The following PPP1R9A variants were observed in gnomAD, a reference collection of about 807,000 sequenced individuals.
PPP1R9A encodes the protein protein phosphatase 1 regulatory subunit 9A.
Under a neutral mutation model 141.9 loss-of-function variants are expected in PPP1R9A, and 59 were observed. The observed-to-expected ratio is 0.42, with a 90% CI of 0.34 to 0.52. The LOEUF is 0.52. PPP1R9A is among the 20% of genes least tolerant of loss of function. PPP1R9A has a pLI of 0.10. For missense variants in PPP1R9A, 1,444 were observed against 1,611.9 expected, an observed-to-expected ratio of 0.90 and a Z score of 1.78; for synonymous variants, 500 against 569.7, an observed-to-expected ratio of 0.88 and a Z score of 1.74.
At chr7:94,988,811 A>G (rs1801156040) in intron 2 of PPP1R9A, among the ~76,000 whole-genome samples, 1 of 151,992 alleles carries the variant, frequency 6.6e-6, no homozygotes, top group African/African-American at 2.4e-5. Flanking sequence ...ATATCCTAAC[A>G]TCCTGGATTG....
chr7:95,057,614 A>T (rs1563176930), intron 2 of PPP1R9A, among the ~76,000 whole-genome samples: 1 of 152,174 alleles, frequency 6.6e-6, no homozygotes, highest in African/African-American at 2.4e-5. Context: ...TAGACAGCTT[A>T]TACAACGTCT....
At chr7:95,239,810 A>G (rs2152984647) in intron 8 of PPP1R9A, among the ~76,000 whole-genome samples, 1 of 152,006 alleles carries the variant, frequency 6.6e-6, no homozygotes, top group East Asian at 1.9e-4. Flanking sequence ...TAATTTAAAA[A>G]TTAAAAATTA....
chr7:95,239,492 G>A (rs991700630), intron 8 of PPP1R9A, among the ~76,000 whole-genome samples: 3 of 152,164 alleles, frequency 2.0e-5, no homozygotes, highest in Admixed American at 6.6e-5. Context: ...CTGGGAGGTA[G>A]AGGCTTCAGT....
chr7:94,976,821 C>T (rs1584473630), intron 2 of PPP1R9A, among the ~76,000 whole-genome samples: 1 of 152,060 alleles, frequency 6.6e-6, no homozygotes, highest in South Asian at 2.1e-4. Context: ...TATTGAGTAT[C>T]TGCTTGGTGT....
In PPP1R9A at chr7:95,154,054, T is replaced by C. The variant is rs535847997; in HGVS notation, c.1650-7813T>C. Among the ~76,000 whole-genome samples, 7 of 152,228 alleles carry C rather than the reference T, an allele frequency of 4.6e-5. No homozygotes were observed. In the East Asian group the frequency reaches 1.4e-3, roughly 29 times the overall value. On this transcript the variant is annotated intron_variant, in intron 4 of 19. Transcript: ENST00000433360. ...ATCCTTTTCTTGGTTGCTTTTTTAGTGTCCATTTTGTTTAATTCTAGTTTT... is the reference window on the plus strand; with the variant it reads ...ATCCTTTTCTTGGTTGCTTTTTTAGCGTCCATTTTGTTTAATTCTAGTTTT...
intron 3 of PPP1R9A, among the ~76,000 whole-genome samples, chr7:95,114,035 T>G (rs576320984): frequency 6.6e-6 from 1 of 152,320 alleles, no homozygotes; most frequent in South Asian, 2.1e-4. Context: ...AAAGCCATTC[T>G]TAGTTCATTG....
At chr7:95,041,899 C>G (rs1356088156) in intron 2 of PPP1R9A, among the ~76,000 whole-genome samples, 1 of 152,054 alleles carries the variant, frequency 6.6e-6, no homozygotes, top group Admixed American at 6.6e-5. Context: ...TATTTGCACA[C>G]TAGGTGGTGC....
At chr7:95,278,057 C>T (rs1039750032) in intron 16 of PPP1R9A, among the ~76,000 whole-genome samples, 1 of 152,144 alleles carries the variant, frequency 6.6e-6, no homozygotes, top group Non-Finnish European at 1.5e-5. Context: ...AATTTGCATT[C>T]AAGTAGAAAG....
In PPP1R9A at chr7:95,180,634, A is replaced by G. The variant is rs532657432; in HGVS notation, c.1755-17715A>G. Among the ~76,000 whole-genome samples the G allele has an allele frequency of 1.9e-3, 291 of 152,346 alleles. 1 individual carries two copies. The highest frequency in any genetic ancestry group is 6.7e-3 in the African/African-American group (279 of 41,588). On this transcript the variant is annotated intron_variant, in intron 5 of 19. Transcript: ENST00000433360. ...AATCTTTGCCATCTACACATCTGAC[A>G]TAGGACTAATATCCAGAATCTACGA...
In PPP1R9A at chr7:95,252,054, T is replaced by TG; in HGVS notation, c.2591dup (p.Glu865Ter). On this transcript the variant is annotated frameshift_variant, in exon 12 of 20. Transcript: ENST00000433360. LOFTEE classifies it high-confidence loss of function. ...ACATCTTTGAGAGAAGAACATCTCT[T>TG]GGTGAAGTCTCTAAAGGGGATACCA... is the stretch of plus-strand genomic sequence containing the variant. 1 of 1,613,566 alleles carries TG rather than the reference T, an allele frequency of 6.2e-7. No homozygotes were observed. Among genetic ancestry groups the TG allele is most frequent in the African/African-American group, 1.3e-5 (1 of 75,020 alleles).
intron 2 of PPP1R9A, among the ~76,000 whole-genome samples, chr7:94,912,594 G>A (rs895821188): frequency 1.3e-5 from 2 of 151,850 alleles, no homozygotes; most frequent in Non-Finnish European, 2.9e-5. Flanking sequence ...TTTTCATTTT[G>A]GGACCTTCCA....
At position 95,291,140 on chromosome 7, in the gene PPP1R9A, G is replaced by A. The variant is rs1359611473; in HGVS notation, c.*837G>A. 6.6e-6 allele frequency: 1 copy of A among 152,092 alleles called. No individual in the cohort carries two copies. Among genetic ancestry groups the A allele is most frequent in the African/African-American group, 2.4e-5 (1 of 41,404 alleles). The allele number at this position is 152,092 out of a possible 1,614,324, so 9.4% of individuals were successfully genotyped here. On this transcript the variant is annotated 3_prime_UTR_variant, in exon 20 of 20. Transcript: ENST00000433360. ...TGTGTTCAGCATTTCAGCAACACTG[G>A]CAAACACAACACAGTTCCTCTTCCC...
chr7:95,217,389 T>C (rs1413304435), intron 7 of PPP1R9A, among the ~76,000 whole-genome samples: 3 of 152,240 alleles, frequency 2.0e-5, no homozygotes, highest in Non-Finnish European at 4.4e-5. Flanking sequence ...ATTGAGGATA[T>C]TCACATCAAT....
intron 7 of PPP1R9A, among the ~76,000 whole-genome samples, chr7:95,218,417 T>C (rs1169595995): frequency 1.3e-5 from 2 of 152,168 alleles, no homozygotes; most frequent in African/African-American, 2.4e-5. Flanking sequence ...ATAAGTGCGA[T>C]GTGGTGCTGA....
At chr7:95,031,563 C>G (rs915083772) in intron 2 of PPP1R9A, among the ~76,000 whole-genome samples, 1 of 152,014 alleles carries the variant, frequency 6.6e-6, no homozygotes, top group Non-Finnish European at 1.5e-5. Flanking sequence ...CAAGACCAGC[C>G]TGACCAACAT....
chr7:94,936,646 G>GT (rs1794786872), intron 2 of PPP1R9A, among the ~76,000 whole-genome samples: 1 of 129,940 alleles, frequency 7.7e-6, no homozygotes. Context: ...GGGAGACTGT[G>GT]TAGGGGTGTG....
intron 2 of PPP1R9A, among the ~76,000 whole-genome samples, chr7:95,096,902 T>C (rs1818104002): frequency 6.6e-6 from 1 of 152,198 alleles, no homozygotes; most frequent in South Asian, 2.1e-4. Flanking sequence ...CGGGGTCACT[T>C]GGGAAATCCT....
intron 2 of PPP1R9A, among the ~76,000 whole-genome samples, chr7:94,937,860 G>C (rs1290615046): frequency 1.3e-5 from 2 of 152,180 alleles, no homozygotes; most frequent in African/African-American, 2.4e-5. Flanking sequence ...TCTATATTAA[G>C]ATAGGGCACT....
At chr7:95,174,511 A>G (rs1832614805) in intron 5 of PPP1R9A, among the ~76,000 whole-genome samples, 1 of 152,278 alleles carries the variant, frequency 6.6e-6, no homozygotes, top group South Asian at 2.1e-4. Context: ...ATTTTAATGT[A>G]TATAGATTGA....
Sources: gnomAD v4.1 joint callset for allele counts (sites outside exome capture counted in the v4.1 genomes callset) on GRCh38, gnomAD v4.1.1 for gene constraint, MANE v1.5 for transcripts, NCBI Gene and HGNC (gene_info 2026-07-23, HGNC 2026-07-21) for gene names.